The following DPYD variants were observed in gnomAD, a reference collection of about 807,000 sequenced individuals.
DPYD encodes dihydropyrimidine dehydrogenase [NADP(+)].
Under a neutral mutation model 116.2 loss-of-function variants are expected in DPYD, and 109 were observed. That is an observed-to-expected ratio of 0.94 (90% CI 0.80 to 1.10). The LOEUF is 1.10. Among genes scored for constraint, DPYD ranks in the 50% least tolerant of loss-of-function variants. The pLI is 0.00. For synonymous variants in DPYD, 440 were observed against 432.0 expected, an observed-to-expected ratio of 1.02 and a Z score of -0.23; for missense variants, 1,302 against 1,254.5, an observed-to-expected ratio of 1.04 and a Z score of -0.57.
intron 3 of DPYD, among the ~76,000 whole-genome samples, chr1:97,798,942 C>T (rs1453535655): frequency 6.6e-6 from 1 of 151,928 alleles, no homozygotes; most frequent in Non-Finnish European, 1.5e-5. Flanking sequence ...CCAGCCTTGC[C>T]ACTTATGAGA....
At chr1:97,580,639 T>C (rs967959251) in intron 10 of DPYD, among the ~76,000 whole-genome samples, 1 of 152,232 alleles carries the variant, frequency 6.6e-6, no homozygotes, top group South Asian at 2.1e-4. Flanking sequence ...AGCCCACTTG[T>C]GTGCTTTTTT....
intron 13 of DPYD, among the ~76,000 whole-genome samples, chr1:97,454,270 A>T (rs1236264794): frequency 6.6e-6 from 1 of 151,974 alleles, no homozygotes; most frequent in Non-Finnish European, 1.5e-5. Context: ...TATATAACCA[A>T]TTATCTTTGG....
At chr1:97,768,434 A>G (rs1665984426) in intron 3 of DPYD, among the ~76,000 whole-genome samples, 1 of 152,206 alleles carries the variant, frequency 6.6e-6, no homozygotes, top group Non-Finnish European at 1.5e-5. Flanking sequence ...ATCATTATAT[A>G]GGCAAGAATT....
chr1:97,223,665 G>T (rs1159021889), intron 19 of DPYD, among the ~76,000 whole-genome samples: 1 of 152,016 alleles, frequency 6.6e-6, no homozygotes, highest in Non-Finnish European at 1.5e-5. Flanking sequence ...GAAAGCAACT[G>T]ACTCAGTCTG....
intron 3 of DPYD, among the ~76,000 whole-genome samples, chr1:97,768,514 T>C (rs1665988660): frequency 6.6e-6 from 1 of 152,196 alleles, no homozygotes; most frequent in Admixed American, 6.5e-5. Flanking sequence ...AGAAGATACA[T>C]TAAGATCTGT....
intron 12 of DPYD, among the ~76,000 whole-genome samples, chr1:97,533,912 A>G (rs1649817297): frequency 6.6e-6 from 1 of 152,140 alleles, no homozygotes; most frequent in Non-Finnish European, 1.5e-5. Flanking sequence ...ACAAACCCCA[A>G]GCATGCTCAT....
chr1:97,750,164 C>T (rs1047681271), intron 3 of DPYD, among the ~76,000 whole-genome samples: 2 of 151,894 alleles, frequency 1.3e-5, no homozygotes, highest in Non-Finnish European at 2.9e-5. Flanking sequence ...AACTTCAAAA[C>T]AGAGAAAGCT....
intron 8 of DPYD, among the ~76,000 whole-genome samples, chr1:97,642,891 AT>A (rs1269334515): frequency 9.8e-5 from 14 of 143,580 alleles, no homozygotes; most frequent in African/African-American, 3.5e-4. Flanking sequence ...TAATAATAAA[AT>A]TAAATTAAAT....
At chr1:97,746,211 C>A (rs774396614) in intron 3 of DPYD, among the ~76,000 whole-genome samples, 11 of 152,078 alleles carry the variant, frequency 7.2e-5, no homozygotes, top group Non-Finnish European at 1.5e-4. Flanking sequence ...CAATCCATTG[C>A]CTATTCTAGT....
intron 13 of DPYD, among the ~76,000 whole-genome samples, chr1:97,460,778 C>T (rs539642776): frequency 3.3e-4 from 50 of 152,244 alleles, no homozygotes; most frequent in African/African-American, 1.2e-3. Flanking sequence ...GTGGCTCATG[C>T]CTGTAATCCC....
intron 14 of DPYD, among the ~76,000 whole-genome samples, chr1:97,445,794 C>T (rs1211508718): frequency 6.1e-5 from 9 of 148,260 alleles, no homozygotes; most frequent in East Asian, 4.0e-4. Flanking sequence ...GGCATAATCT[C>T]GGCTCACTGC....
chr1:97,286,346 C>T (rs1319950721), intron 18 of DPYD, among the ~76,000 whole-genome samples: 1 of 152,148 alleles, frequency 6.6e-6, no homozygotes, highest in Non-Finnish European at 1.5e-5. Context: ...TCTGGCTGCC[C>T]TTAACATTTT....
intron 14 of DPYD, among the ~76,000 whole-genome samples, chr1:97,394,574 T>A (rs1672908682): frequency 6.6e-6 from 1 of 151,990 alleles, no homozygotes; most frequent in Non-Finnish European, 1.5e-5. Flanking sequence ...ATAACAGGTG[T>A]AGCAATAATG....
chr1:97,572,986 C>A (rs1189080574), intron 11 of DPYD, among the ~76,000 whole-genome samples: 1 of 151,824 alleles, frequency 6.6e-6, no homozygotes, highest in East Asian at 1.9e-4. Flanking sequence ...GAATCTCTGA[C>A]CTAGAAAAAC....
intron 16 of DPYD, among the ~76,000 whole-genome samples, chr1:97,369,607 G>T (rs7515904): frequency 0.43 from 64,615 of 151,878 alleles, 14,270 homozygotes; most frequent in Admixed American, 0.52. Context: ...GGCTTCAGAG[G>T]GTTGTTGGGA....
chr1:97,373,266 T>G (rs928269695), intron 16 of DPYD, among the ~76,000 whole-genome samples: 1 of 152,226 alleles, frequency 6.6e-6, no homozygotes, highest in African/African-American at 2.4e-5. Flanking sequence ...TAAAGAACAC[T>G]GCATTTGAAA....
chr1:97,800,739 GT>G (rs1667806259), intron 3 of DPYD, among the ~76,000 whole-genome samples: 1 of 151,770 alleles, frequency 6.6e-6, no homozygotes, highest in South Asian at 2.1e-4. Flanking sequence ...TCATGATGCT[GT>G]TTCTGACCCT....
chr1:97,698,861 T>A (rs1452120359), intron 6 of DPYD, among the ~76,000 whole-genome samples: 1 of 151,972 alleles, frequency 6.6e-6, no homozygotes, highest in Non-Finnish European at 1.5e-5. Flanking sequence ...TAAAAATGTA[T>A]ATTTAAATAC....
At chr1:97,223,396 C>CACACAA (rs1660903319) in intron 19 of DPYD, among the ~76,000 whole-genome samples, 1 of 86,428 alleles carries the variant, frequency 1.2e-5, no homozygotes, top group East Asian at 3.5e-4. Flanking sequence ...TAAACACACA[C>CACACAA]ACACACACAC....
Sources: allele counts gnomAD v4.1 joint callset (sites outside exome capture counted in the v4.1 genomes callset), GRCh38; gene constraint gnomAD v4.1.1; transcripts MANE v1.5; gene names NCBI Gene and HGNC (gene_info 2026-07-23, HGNC 2026-07-21).